Variants in PDK1 observed in about 807,000 individuals in gnomAD.
PDK1 encodes [Pyruvate dehydrogenase (acetyl-transferring)] kinase isozyme 1, mitochondrial.
Under a neutral mutation model 54.2 loss-of-function variants are expected in PDK1, and 39 were observed. The ratio of observed to expected loss-of-function variants is 0.72; its 90% CI spans 0.56 to 0.94. The LOEUF (loss-of-function observed/expected upper bound fraction) is 0.94. PDK1 is among the 40% of genes least tolerant of loss of function. The probability of loss-of-function intolerance (pLI) is 0.00; values close to 1 mark genes in which losing one functional copy is unlikely to be tolerated. For missense variants in PDK1, 552 were observed against 566.0 expected (o/e 0.98, Z 0.25); for synonymous variants, 221 against 207.1 (o/e 1.07, Z -0.58).
chr2:172,640,988 TTTCTTTC>T, the PDK1 span, among the ~76,000 whole-genome samples: 5 of 73,482 alleles, frequency 6.8e-5, no homozygotes, highest in South Asian at 3.5e-3. Flanking sequence ...TGTTTCTTTC[TTTCTTTC>T]TTTTTCTTTT....
At chr2:172,694,205 G>A in the PDK1 span, among the ~76,000 whole-genome samples, 1 of 152,218 alleles carries the variant, frequency 6.6e-6, no homozygotes, top group Non-Finnish European at 1.5e-5. Context: ...ATTGAGGGAA[G>A]AGAACTGCAT....
the PDK1 span, among the ~76,000 whole-genome samples, chr2:172,713,345 G>C: frequency 6.6e-6 from 1 of 152,310 alleles, no homozygotes; most frequent in South Asian, 2.1e-4. Context: ...TGGTCCCCAG[G>C]CTTCAGGTGG....
At chr2:172,719,706 A>C in the PDK1 span, among the ~76,000 whole-genome samples, 186 of 152,270 alleles carry the variant, frequency 1.2e-3, 1 homozygote, top group Admixed American at 6.6e-3. Context: ...TCCAGTTTCC[A>C]ATATATGTTT....
chr2:172,639,058 G>A, the PDK1 span, among the ~76,000 whole-genome samples: 1 of 152,120 alleles, frequency 6.6e-6, no homozygotes, highest in African/African-American at 2.4e-5. Context: ...TAGAGACAAG[G>A]TCTCACTATG....
At chr2:172,664,867 T>C in the PDK1 span, among the ~76,000 whole-genome samples, 1 of 152,232 alleles carries the variant, frequency 6.6e-6, no homozygotes, top group Non-Finnish European at 1.5e-5. Flanking sequence ...TTTTTCTCAG[T>C]TGATATAATC....
the PDK1 span, among the ~76,000 whole-genome samples, chr2:172,689,761 A>G: frequency 6.6e-6 from 1 of 151,034 alleles, no homozygotes; most frequent in East Asian, 2.0e-4. Context: ...AAGATTCTCT[A>G]CTTCATAAAT....
At chr2:172,562,357 C>A in intron 3 of PDK1, 66 bp downstream of exon 3, 2 of 967,322 alleles carry the variant, frequency 2.1e-6, no homozygotes, top group Admixed American at 1.8e-5. Context: ...AATTGGTTAA[C>A]TTTTAGGTTT....
the PDK1 span, among the ~76,000 whole-genome samples, chr2:172,697,205 A>T: frequency 1.3e-5 from 2 of 152,180 alleles, no homozygotes; most frequent in Non-Finnish European, 2.9e-5. Flanking sequence ...TCCAACTGCA[A>T]AACCCACTGG....
the PDK1 span, among the ~76,000 whole-genome samples, chr2:172,709,918 T>C: frequency 3.3e-5 from 5 of 151,788 alleles, no homozygotes; most frequent in Non-Finnish European, 7.4e-5. Flanking sequence ...AATGAATAAC[T>C]GAAAAAGACA....
the PDK1 span, among the ~76,000 whole-genome samples, chr2:172,632,930 G>A: frequency 8.2e-5 from 10 of 121,678 alleles, no homozygotes; most frequent in African/African-American, 3.0e-4. Context: ...GCAGTGAGCT[G>A]AGATTGCACC....
chr2:172,651,416 T>G, the PDK1 span, among the ~76,000 whole-genome samples: 1 of 151,980 alleles, frequency 6.6e-6, no homozygotes, highest in Non-Finnish European at 1.5e-5. Flanking sequence ...TTAAAAGAAC[T>G]AGAGAAGCAA....
chr2:172,566,948 G>C lies in PDK1; in HGVS notation c.769+15G>C. 1 of 1,534,070 alleles carries C rather than the reference G, an allele frequency of 6.5e-7. No individual in the cohort carries two copies. The highest frequency in any genetic ancestry group is 1.4e-5 in the African/African-American group (1 of 73,214). ...AGAACTAAATGGTAAGCCTGATGTT[G>C]TCTTTTTCTCAATAATTAGTGCTTT... is the stretch of plus-strand genomic sequence containing the variant. On this transcript the variant is annotated intron_variant, in intron 6 of 10. Transcript: ENST00000282077.
the PDK1 span, among the ~76,000 whole-genome samples, chr2:172,689,980 A>G: frequency 1.3e-5 from 2 of 150,488 alleles, no homozygotes; most frequent in Admixed American, 6.8e-5. Context: ...CAATGGCAAC[A>G]AAAGCCAAAA....
chr2:172,633,341 C>G, the PDK1 span, among the ~76,000 whole-genome samples: 6 of 150,698 alleles, frequency 4.0e-5, no homozygotes, highest in East Asian at 1.2e-3. Flanking sequence ...AACCAATGAG[C>G]CTGGCCCTAT....
the PDK1 span, among the ~76,000 whole-genome samples, chr2:172,632,025 C>T: frequency 6.6e-6 from 1 of 152,044 alleles, no homozygotes; most frequent in African/African-American, 2.4e-5. Flanking sequence ...CCTGTAATCC[C>T]AGCACTTTGG....
chr2:172,653,567 C>T, the PDK1 span, among the ~76,000 whole-genome samples: 1 of 151,422 alleles, frequency 6.6e-6, no homozygotes, highest in Non-Finnish European at 1.5e-5. Flanking sequence ...CGTGCCACTG[C>T]ACTCCTGCCT....
chr2:172,640,929 C>T, the PDK1 span, among the ~76,000 whole-genome samples: 3 of 143,008 alleles, frequency 2.1e-5, no homozygotes, highest in Admixed American at 1.4e-4. Context: ...TCCCTTCCTT[C>T]CTTCCTTCCC....
intron 2 of PDK1, among the ~76,000 whole-genome samples, chr2:172,559,214 T>C (rs1217583521): frequency 6.6e-6 from 1 of 152,174 alleles, no homozygotes; most frequent in East Asian, 1.9e-4. Context: ...CCCAAAGTGC[T>C]GGGATTACAG....
chr2:172,712,038 C>T, the PDK1 span, among the ~76,000 whole-genome samples: 294 of 151,722 alleles, frequency 1.9e-3, no homozygotes, highest in African/African-American at 6.9e-3. Context: ...CATATATTTA[C>T]GTTTATTTGC....
Sources: allele counts gnomAD v4.1 joint callset (sites outside exome capture counted in the v4.1 genomes callset), GRCh38; gene constraint gnomAD v4.1.1; transcripts MANE v1.5; gene names NCBI Gene and HGNC (gene_info 2026-07-23, HGNC 2026-07-21).